Variants in NNMT observed in about 807,000 individuals in gnomAD.
NNMT encodes nicotinamide N-methyltransferase.
In NNMT, 10 loss-of-function variants were observed where a neutral mutation model predicts 11.7. That is an observed-to-expected ratio of 0.85 (90% CI 0.53 to 1.45). The LOEUF is 1.45. Ranked by LOEUF, NNMT falls within the 40% of genes most tolerant of loss-of-function variation. The pLI is 0.00. For synonymous variants in NNMT, 143 were observed against 133.8 expected (o/e 1.07, Z -0.48); for missense variants, 381 against 319.4 (o/e 1.19, Z -1.47).
chr11:114,277,306 A>G lies in NNMT; in HGVS notation c.-130+14372A>G, dbSNP rs758333473. ...TACCTATCCCCAGGGTTATCGTAAG[A>G]CCCCAAAGATATAATAGGAATGCAC... On this transcript the variant is annotated intron_variant, in intron 2 of 4. Coordinates refer to the NNMT transcript ENST00000535401. 5.7e-4 allele frequency among the ~76,000 whole-genome samples: 87 copies of G among 152,146 alleles called. 1 individual carries two copies. Among genetic ancestry groups the G allele is most frequent in the Non-Finnish European group, 1.1e-3 (74 of 68,034 alleles).
At chr11:114,259,097 G>C (rs1945053545) in intron 1 of NNMT, among the ~76,000 whole-genome samples, 1 of 152,210 alleles carries the variant, frequency 6.6e-6, no homozygotes, top group South Asian at 2.1e-4. Flanking sequence ...CTTGAGGTCA[G>C]GAATTGTGTG....
At chr11:114,303,684 CT>C (rs1261842819) in intron 2 of NNMT, among the ~76,000 whole-genome samples, 1 of 152,178 alleles carries the variant, frequency 6.6e-6, no homozygotes, top group Non-Finnish European at 1.5e-5. Flanking sequence ...TATTGCCCCA[CT>C]TTTTTTCTGA....
chr11:114,293,389 T>A (rs994150427), upstream of NNMT, among the ~76,000 whole-genome samples: 1 of 152,226 alleles, frequency 6.6e-6, no homozygotes, highest in East Asian at 1.9e-4. Context: ...GATCAATGAC[T>A]GATCTAAGTT....
intron 2 of NNMT, among the ~76,000 whole-genome samples, chr11:114,266,466 TC>T (rs1323747620): frequency 3.9e-5 from 6 of 152,312 alleles, no homozygotes; most frequent in Non-Finnish European, 8.8e-5. Flanking sequence ...TCACTGTGAT[TC>T]ATTTGTTTCC....
At chr11:114,263,406 C>A (rs961573241) in intron 2 of NNMT, among the ~76,000 whole-genome samples, 3 of 152,188 alleles carry the variant, frequency 2.0e-5, no homozygotes, top group Admixed American at 6.5e-5. Flanking sequence ...CCCTTCTGGG[C>A]AAGCTTATCT....
At chr11:114,266,856 G>A (rs1945124262) in intron 2 of NNMT, among the ~76,000 whole-genome samples, 1 of 152,242 alleles carries the variant, frequency 6.6e-6, no homozygotes, top group Admixed American at 6.5e-5. Flanking sequence ...GATGGCTGGT[G>A]CCATGCCCTT....
chr11:114,297,991 C>G lies in NNMT; in HGVS notation c.195C>G (p.Gly65=). The G allele has an allele frequency of 1.2e-6, 2 of 1,613,508 alleles. No individual in the cohort carries two copies. The highest frequency in any genetic ancestry group is 2.2e-5 in the South Asian group (2 of 91,054). Residue 65 remains glycine (G), a synonymous_variant, in exon 2 of 3, where the codon GGC becomes GGG. Coordinates refer to ENST00000299964, the MANE Select transcript of NNMT (RefSeq NM_006169.3). ...ACCTGCTGATTGACATCGGCTCTGGCCCCACTATCTATCAGCTCCTCTCTG... is the reference window on the plus strand; with the variant it reads ...ACCTGCTGATTGACATCGGCTCTGGGCCCACTATCTATCAGCTCCTCTCTG... ...KGDLLIDIGS[G]PTIYQLLSAC...
chr11:114,276,344 C>T (rs959411024), intron 2 of NNMT, among the ~76,000 whole-genome samples: 7 of 152,074 alleles, frequency 4.6e-5, no homozygotes, highest in Admixed American at 2.0e-4. Context: ...GCCACTTCCA[C>T]GACTGCCCAG....
intron 2 of NNMT, among the ~76,000 whole-genome samples, chr11:114,285,693 G>A (rs2135261038): frequency 6.6e-6 from 1 of 152,290 alleles, no homozygotes; most frequent in East Asian, 1.9e-4. Context: ...CTTTCCTGGC[G>A]ACTCACGCCT....
rs755178023 is a variant in NNMT, at chr11:114,297,952, C to T, written c.156C>T (p.Asp52=). Residue 52 remains aspartate, a splice_region_variant and synonymous_variant, in exon 2 of 3, where the codon GAC becomes GAT. Coordinates refer to ENST00000299964, the MANE Select transcript of NNMT (RefSeq NM_006169.3). ...TCTTTGTTCCTCCCACTAATCCAGA[C>T]GGTGTGAAGGGAGACCTGCTGATTG... ...LKNLFKIFCL[D]GVKGDLLIDI... 1.7e-5 allele frequency: 27 copies of T among 1,612,192 alleles called. No individual in the cohort carries two copies. Among genetic ancestry groups the T allele is most frequent in the Middle Eastern group, 2.1e-4 (1 of 4,780 alleles).
intron 1 of NNMT, 57 bp downstream of exon 1, chr11:114,296,767 A>G: frequency 6.4e-7 from 1 of 1,555,386 alleles, no homozygotes; most frequent in Non-Finnish European, 8.8e-7. Context: ...ATGGAGTCTC[A>G]GGGCACGACT....
chr11:114,304,915 T>C (rs1428051371), intron 2 of NNMT, among the ~76,000 whole-genome samples: 1 of 152,214 alleles, frequency 6.6e-6, no homozygotes, highest in East Asian at 1.9e-4. Context: ...AGTCAAACAC[T>C]AAGATACAAT....
At chr11:114,283,336 G>T (rs1007806501) in intron 2 of NNMT, among the ~76,000 whole-genome samples, 3 of 152,178 alleles carry the variant, frequency 2.0e-5, no homozygotes, top group Non-Finnish European at 2.9e-5. Context: ...GTGGCATGAA[G>T]CAGTGGGTCA....
At chr11:114,258,055 G>A (rs997637464) in intron 1 of NNMT, among the ~76,000 whole-genome samples, 2 of 152,100 alleles carry the variant, frequency 1.3e-5, no homozygotes, top group Non-Finnish European at 2.9e-5. Flanking sequence ...TGGGGCAGGC[G>A]GCCCCACTGC....
intron 2 of NNMT, among the ~76,000 whole-genome samples, chr11:114,285,958 G>A (rs1162014646): frequency 6.6e-6 from 1 of 152,188 alleles, no homozygotes; most frequent in Non-Finnish European, 1.5e-5. Flanking sequence ...TCTACAGTAG[G>A]CCTTGATGTC....
chr11:114,291,193 C>T (rs1341431978), intron 2 of NNMT, among the ~76,000 whole-genome samples: 1 of 152,182 alleles, frequency 6.6e-6, no homozygotes, highest in African/African-American at 2.4e-5. Context: ...GTATTGATGT[C>T]TGTGTCAGTT....
chr11:114,291,354 T>A (rs1288217224), intron 2 of NNMT, among the ~76,000 whole-genome samples: 1 of 152,220 alleles, frequency 6.6e-6, no homozygotes, highest in Non-Finnish European at 1.5e-5. Flanking sequence ...TATCCTCCAA[T>A]TGCAAATTGG....
intron 1 of NNMT, 54 bp downstream of exon 1, chr11:114,296,764 C>T: frequency 1.3e-6 from 2 of 1,567,982 alleles, no homozygotes; most frequent in South Asian, 1.1e-5. Flanking sequence ...TAGATGGAGT[C>T]TCAGGGCACG....
chr11:114,309,795 C>T (rs190673068), intron 2 of NNMT, among the ~76,000 whole-genome samples: 6 of 152,320 alleles, frequency 3.9e-5, no homozygotes, highest in African/African-American at 7.2e-5. Context: ...CTCCAAATCC[C>T]TCAGCTCCTG....
Sources: gnomAD v4.1 joint callset for allele counts (sites outside exome capture counted in the v4.1 genomes callset) on GRCh38, gnomAD v4.1.1 for gene constraint, MANE v1.5 for transcripts, NCBI Gene and HGNC (gene_info 2026-07-23, HGNC 2026-07-21) for gene names.